Variants in TTC29 observed in about 807,000 individuals in gnomAD.
TTC29 encodes the protein tetratricopeptide repeat protein 29.
In TTC29, 49 loss-of-function variants were observed where a neutral mutation model predicts 58.1. The observed-to-expected ratio is 0.84, with a 90% confidence interval of 0.67 to 1.07. The LOEUF (loss-of-function observed/expected upper bound fraction) is 1.07. Among genes scored for constraint, TTC29 ranks in the 50% least tolerant of loss-of-function variants. The pLI, the probability that TTC29 is intolerant of heterozygous loss-of-function variation, is 0.00. For missense variants in TTC29, 582 were observed against 555.6 expected (o/e 1.05, Z -0.48); for synonymous variants, 209 against 196.8 (o/e 1.06, Z -0.52).
chr4:146,783,981 T>C (rs1748815811), intron 11 of TTC29, among the ~76,000 whole-genome samples: 1 of 151,588 alleles, frequency 6.6e-6, no homozygotes, highest in African/African-American at 2.4e-5. Flanking sequence ...TCTCTAACCT[T>C]TCTAAAGACT....
rs531093478 is a variant in TTC29 at position 146,732,882 on chromosome 4, A to G, written c.1331-25331T>C. On this transcript the variant is annotated intron_variant, in intron 11 of 12. Transcript: ENST00000325106. ...CCAGCAAGAAGTGGCAATAAAGTCA[A>G]GACCACCTGTCATAACTTTAGGCCC... Among the ~76,000 whole-genome samples the G allele has an allele frequency of 3.9e-5, 6 of 152,320 alleles. No individual in the cohort carries two copies. In the East Asian group the frequency reaches 1.2e-3, roughly 29 times the overall value.
chr4:146,811,072 A>T lies in TTC29; in HGVS notation c.1102-7387T>A, dbSNP rs1030550227. Reference sequence around the variant, plus strand: ...TGATGTCACTAGCACCAATCAAATGATCATTTAAATATCTCTTCAAGAAGT... The same window carrying T: ...TGATGTCACTAGCACCAATCAAATGTTCATTTAAATATCTCTTCAAGAAGT... On this transcript the variant is annotated intron_variant, in intron 10 of 12. Transcript: ENST00000325106. Among the ~76,000 whole-genome samples, 8 of 152,262 alleles carry T rather than the reference A, an allele frequency of 5.3e-5. No individual in the cohort carries two copies. In the South Asian group the frequency reaches 1.7e-3, roughly 32 times the overall value.
At chr4:146,784,290 T>TA (rs899317111) in intron 11 of TTC29, among the ~76,000 whole-genome samples, 3 of 151,792 alleles carry the variant, frequency 2.0e-5, no homozygotes, top group Non-Finnish European at 4.4e-5. Flanking sequence ...GACAAAAATT[T>TA]AAAAAAAATT....
At chr4:146,838,314 T>A (rs918594878) in intron 8 of TTC29, among the ~76,000 whole-genome samples, 1 of 152,012 alleles carries the variant, frequency 6.6e-6, no homozygotes, top group African/African-American at 2.4e-5. Context: ...AGTGTTGTTG[T>A]AAAATGAAAT....
At chr4:146,923,773 G>A (rs988207866) in intron 4 of TTC29, among the ~76,000 whole-genome samples, 12 of 151,726 alleles carry the variant, frequency 7.9e-5, no homozygotes, top group African/African-American at 2.7e-4. Context: ...CCCAACTCTT[G>A]ACAAGATAAT....
intron 11 of TTC29, among the ~76,000 whole-genome samples, chr4:146,745,911 G>A (rs1490072193): frequency 6.6e-6 from 1 of 152,142 alleles, no homozygotes; most frequent in East Asian, 1.9e-4. Flanking sequence ...TGAAAGAATG[G>A]GCACTGTTAT....
rs147929483 is a variant in TTC29, at chr4:146,898,105, T to C, written c.586+5439A>G. Among the ~76,000 whole-genome samples the C allele has an allele frequency of 4.0e-3, 605 of 152,298 alleles. 2 individuals carry two copies. The highest frequency in any genetic ancestry group is 6.0e-3 in the Non-Finnish European group (411 of 68,028). On this transcript the variant is annotated intron_variant, in intron 6 of 12. Coordinates refer to ENST00000325106, the MANE Select transcript of TTC29 (RefSeq NM_031956.4). ...CATGGAAAAATAAAACAAAATCACA[T>C]AGTGTCATGATCACTAAAGAATGGG...
intron 11 of TTC29, among the ~76,000 whole-genome samples, chr4:146,771,625 G>A (rs1212440940): frequency 6.6e-6 from 1 of 152,068 alleles, no homozygotes; most frequent in East Asian, 1.9e-4. Flanking sequence ...ATTTCATGGT[G>A]TATACATAAC....
intron 11 of TTC29, among the ~76,000 whole-genome samples, chr4:146,771,189 T>C (rs1275425537): frequency 1.3e-5 from 2 of 152,108 alleles, no homozygotes; most frequent in Non-Finnish European, 2.9e-5. Flanking sequence ...TTAAGAAACA[T>C]GTGGACTTTA....
At chr4:146,941,263 G>A (rs1166154881) in intron 2 of TTC29, among the ~76,000 whole-genome samples, 1 of 152,176 alleles carries the variant, frequency 6.6e-6, no homozygotes, top group African/African-American at 2.4e-5. Flanking sequence ...TCACCAAGAA[G>A]CTGAAAGGCT....
intron 11 of TTC29, among the ~76,000 whole-genome samples, chr4:146,782,599 A>G (rs976222847): frequency 5.3e-5 from 8 of 151,982 alleles, no homozygotes; most frequent in African/African-American, 1.9e-4. Flanking sequence ...AGTAAGAAGT[A>G]GATGATAGTG....
intron 11 of TTC29, among the ~76,000 whole-genome samples, chr4:146,746,723 A>AG (rs1745576967): frequency 6.6e-6 from 1 of 152,110 alleles, no homozygotes; most frequent in South Asian, 2.1e-4. Flanking sequence ...TCACTTCTCC[A>AG]GTTTTTTAGG....
intron 10 of TTC29, among the ~76,000 whole-genome samples, chr4:146,818,576 A>T (rs1751589074): frequency 6.6e-6 from 1 of 152,180 alleles, no homozygotes; most frequent in Non-Finnish European, 1.5e-5. Context: ...CAGATATCTC[A>T]TTACTGGGTA....
chr4:146,856,021 G>A (rs947161234), intron 8 of TTC29, among the ~76,000 whole-genome samples: 1 of 152,100 alleles, frequency 6.6e-6, no homozygotes, highest in Non-Finnish European at 1.5e-5. Flanking sequence ...AACTATGCAG[G>A]TTGCTTTATT....
intron 6 of TTC29, among the ~76,000 whole-genome samples, chr4:146,895,372 G>A (rs1466590695): frequency 6.6e-6 from 1 of 152,168 alleles, no homozygotes; most frequent in Non-Finnish European, 1.5e-5. Flanking sequence ...GGTCCAGAAG[G>A]AAACACTAGG....
In TTC29 at chr4:146,874,791, C is replaced by G. The variant is rs1561209725; in HGVS notation, c.724G>C (p.Asp242His). ...TATTCTTTATTTTCTAGCATTTTGTCTGAGAGTAATCTGTAAGTCCTCAGG... is the reference window on the plus strand; with the variant it reads ...TATTCTTTATTTTCTAGCATTTTGTGTGAGAGTAATCTGTAAGTCCTCAGG... Reference protein sequence around the residue: ...SLLRTYRLLSDKMLENKEYKQ... With the variant: ...SLLRTYRLLSHKMLENKEYKQ... The change falls in exon 7 of 13, where the codon GAC becomes CAC. Residue 242 changes from aspartate to histidine, a missense_variant. Asp to His is a moderately conservative substitution (Grantham distance 81). Transcript: ENST00000325106. 1 of 1,611,976 alleles carries G rather than the reference C, an allele frequency of 6.2e-7. No homozygotes were observed. Among genetic ancestry groups the G allele is most frequent in the African/African-American group, 1.3e-5 (1 of 74,960 alleles).
At chr4:146,842,529 C>T (rs1011243002) in intron 8 of TTC29, among the ~76,000 whole-genome samples, 6 of 151,916 alleles carry the variant, frequency 3.9e-5, no homozygotes, top group African/African-American at 1.5e-4. Flanking sequence ...CCAGTTTTGT[C>T]TACAAGTCTA....
chr4:146,942,177 T>C (rs1736466532), intron 2 of TTC29, among the ~76,000 whole-genome samples: 1 of 152,172 alleles, frequency 6.6e-6, no homozygotes. Context: ...TACTACCAGT[T>C]TATCAAGGCA....
intron 11 of TTC29, among the ~76,000 whole-genome samples, chr4:146,737,600 G>A (rs936346964): frequency 3.4e-5 from 5 of 147,628 alleles, no homozygotes; most frequent in Admixed American, 6.8e-5. Flanking sequence ...TGGGGGGGGG[G>A]GGGCTACAAA....
Sources: allele counts gnomAD v4.1 joint callset (sites outside exome capture counted in the v4.1 genomes callset), GRCh38; gene constraint gnomAD v4.1.1; transcripts MANE v1.5; gene names NCBI Gene and HGNC (gene_info 2026-07-23, HGNC 2026-07-21).